NOX1: variants seen among roughly 807,000 people sequenced by gnomAD.
NOX1 encodes NADPH oxidase 1, also known as NADH/NADPH mitogenic oxidase subunit P65-MOX.
Under a neutral mutation model 42.5 loss-of-function variants are expected in NOX1, and 34 were observed. The observed-to-expected ratio is 0.80, with a 90% CI of 0.61 to 1.07. The LOEUF is 1.07. Among genes scored for constraint, NOX1 ranks in the 50% least tolerant of loss-of-function variants. The pLI is 0.00. For synonymous variants in NOX1, 143 were observed against 152.5 expected (o/e 0.94, Z 0.46); for missense variants, 408 against 427.0 (o/e 0.96, Z 0.39).
chrX:100,850,272 GC>G lies in NOX1; in HGVS notation c.1011del (p.Trp337CysfsTer6), dbSNP rs1358701999. Reference protein sequence around the residue: ...VNCPSISLLEWHPFTLTSAPE... With the variant: ...VNCPSISLLEXHPFTLTSAPE... The stretch of plus-strand genomic sequence containing the variant: ...GGAGCAGAGGTCAAAGTAAAAGGAT[GC>G]CATTCCAGGAGAGAGATTGAGGGGC... On this transcript the variant is annotated frameshift_variant, in exon 9 of 13. Transcript: ENST00000372966. LOFTEE classifies it high-confidence loss of function. The G allele has an allele frequency of 2.5e-6, 3 of 1,209,342 alleles. No individual in the cohort carries two copies. The highest frequency in any genetic ancestry group is 3.4e-6 in the Non-Finnish European group (3 of 893,289).
At chrX:100,873,158 G>A (rs1397098685) in intron 1 of NOX1, among the ~76,000 whole-genome samples, 1 of 110,653 alleles carries the variant, frequency 9.0e-6, no homozygotes, top group Non-Finnish European at 1.9e-5. Context: ...GAAGATCTAG[G>A]AAAGTGAGAA....
intron 12 of NOX1, among the ~76,000 whole-genome samples, chrX:100,845,118 G>C (rs778216816): frequency 9.0e-6 from 1 of 111,473 alleles, no homozygotes; most frequent in Non-Finnish European, 1.9e-5. Flanking sequence ...GTGCTTTTTA[G>C]CACAGCCACA....
chrX:100,861,635 C>T (rs2085203814), intron 7 of NOX1, among the ~76,000 whole-genome samples: 1 of 111,593 alleles, frequency 9.0e-6, no homozygotes, highest in African/African-American at 3.3e-5. Context: ...TGCTTTATTT[C>T]CCCCCAGAAT....
At chrX:100,859,083 CTT>C (rs1442695923) in intron 7 of NOX1, among the ~76,000 whole-genome samples, 2 of 111,431 alleles carry the variant, frequency 1.8e-5, no homozygotes, top group Non-Finnish European at 3.8e-5. Context: ...ATAGATGGCT[CTT>C]GTTATTTTGA....
intron 2 of NOX1, among the ~76,000 whole-genome samples, chrX:100,864,054 A>G (rs2085223571): frequency 8.9e-6 from 1 of 111,901 alleles, no homozygotes; most frequent in Non-Finnish European, 1.9e-5. Context: ...CAGTGGCGAG[A>G]TATCGGCTCA....
At chrX:100,872,548 A>G (rs2085281644) in intron 1 of NOX1, among the ~76,000 whole-genome samples, 1 of 111,503 alleles carries the variant, frequency 9.0e-6, no homozygotes, top group Non-Finnish European at 1.9e-5. Context: ...AGAGATAATG[A>G]GAAGTCTAAG....
At chrX:100,862,959 G>A (rs372633478) in intron 4 of NOX1, 139 bp from the exon 5 acceptor site, 10 of 632,427 alleles carry the variant, frequency 1.6e-5, no homozygotes, top group East Asian at 1.3e-4. Context: ...ATAAACCCTC[G>A]ATTGCGGAGA....
In NOX1 at chrX:100,857,944, A is replaced by G. The variant is rs1285053944; in HGVS notation, c.804+4227T>C. Among the ~76,000 whole-genome samples the G allele has an allele frequency of 2.7e-5, 3 of 110,476 alleles. No individual in the cohort carries two copies. The East Asian group carries it at 8.5e-4, about 31-fold the overall frequency. On this transcript the variant is annotated intron_variant, in intron 7 of 12. Transcript: ENST00000372966. ...AATTAGATCCCATTCATCAATTTTT[A>G]TTTTTGTTGCATTTGCTTTTGGTAT...
intron 7 of NOX1, among the ~76,000 whole-genome samples, chrX:100,856,792 C>T (rs757661521): frequency 6.4e-4 from 71 of 111,207 alleles, no homozygotes; most frequent in Non-Finnish European, 1.1e-3. Context: ...AGATTGGTCT[C>T]GAACTCTTGA....
Position 100,843,527 on chromosome X carries a change from A to G in NOX1, c.*425T>C. 9.9e-7 allele frequency: 1 copy of G among 1,005,948 alleles called. No homozygotes were observed. Among genetic ancestry groups the G allele is most frequent in the Non-Finnish European group, 1.3e-6 (1 of 773,928 alleles). The allele number at this position is 1,005,948 out of a possible 1,213,427, so 82.9% of individuals were successfully genotyped here. A position where few individuals can be genotyped will look rare whatever the true frequency, so the allele number is the denominator to read the frequency against. ...TAATTATTCAATAAATTTTTATTTA[A>G]AAAGTCACCCTACTTAGAAATCTTC... On this transcript the variant is annotated 3_prime_UTR_variant, in exon 13 of 13. Transcript: ENST00000372966.
At chrX:100,859,729 G>T (rs758679895) in intron 7 of NOX1, among the ~76,000 whole-genome samples, 20 of 104,963 alleles carry the variant, frequency 1.9e-4, no homozygotes, top group Non-Finnish European at 3.7e-4. Flanking sequence ...TAGTTTGTGT[G>T]CATAGAGATG....
intron 12 of NOX1, among the ~76,000 whole-genome samples, chrX:100,846,990 C>A (rs1248220509): frequency 1.8e-5 from 2 of 111,119 alleles, no homozygotes; most frequent in Non-Finnish European, 3.8e-5. Flanking sequence ...GAGTTCGAGA[C>A]CAGCCTGGCC....
chrX:100,853,238 TTTCTTTCCTTCC>T (rs1165827083), intron 7 of NOX1, among the ~76,000 whole-genome samples: 13 of 65,184 alleles, frequency 2.0e-4, no homozygotes, highest in Non-Finnish European at 2.7e-4. Context: ...TTTCTTTTTC[TTTCTTTCCTTCC>T]TTCCTTCCTT....
rs548048094 is a variant in NOX1, at chrX:100,853,972, G to A, written c.805-2647C>T. ...AGTCTGGTCAACGTGGCAAAACCCC[G>A]TCTCTACTAAATATACAAAAATTAG... On this transcript the variant is annotated intron_variant, in intron 7 of 12. Coordinates refer to ENST00000372966, the MANE Select transcript of NOX1 (RefSeq NM_007052.5). 8.1e-4 allele frequency among the ~76,000 whole-genome samples: 91 copies of A among 111,865 alleles called. 1 individual carries two copies. The South Asian group carries it at 0.032, about 39-fold the overall frequency.
chrX:100,848,801 G>A (rs1289587735), intron 11 of NOX1, 47 bp from the exon 12 acceptor site: 1 of 1,186,654 alleles, frequency 8.4e-7, no homozygotes, highest in Non-Finnish European at 1.1e-6. Context: ...CCTAGGCTGG[G>A]TGCGTGGCTC....
intron 12 of NOX1, 60 bp from the exon 13 acceptor site, chrX:100,844,138 CCT>C: frequency 3.0e-6 from 3 of 1,016,199 alleles, no homozygotes; most frequent in Non-Finnish European, 4.0e-6. Context: ...GGAGAAACTG[CCT>C]CTGTTAGGCC....
At chrX:100,854,745 T>A (rs1275298033) in intron 7 of NOX1, among the ~76,000 whole-genome samples, 3 of 111,711 alleles carry the variant, frequency 2.7e-5, no homozygotes, top group Non-Finnish European at 5.6e-5. Flanking sequence ...TTTGCTTGGG[T>A]AGTCCCTTTT....
chrX:100,848,766 G>A lies in NOX1; in HGVS notation c.1444-12C>T. On this transcript the variant is annotated splice_polypyrimidine_tract_variant and intron_variant, in intron 11 of 12. Transcript: ENST00000372966. ...GCTGCATGACCAACCTGGATTCAGA[G>A]GAATAAAAGTTAGAAAAACCAAGTC... The A allele has an allele frequency of 8.3e-7, 1 of 1,206,608 alleles. No homozygotes were observed. The highest frequency in any genetic ancestry group is 1.1e-6 in the Non-Finnish European group (1 of 892,117).
chrX:100,874,048 T>A (rs1347576155), intron 1 of NOX1, 47 bp downstream of exon 1: 2 of 936,743 alleles, frequency 2.1e-6, no homozygotes, highest in East Asian at 6.2e-5. Flanking sequence ...AAAAACATGA[T>A]TTCTCCTTAA....
Sources: allele counts gnomAD v4.1 joint callset (sites outside exome capture counted in the v4.1 genomes callset), GRCh38; gene constraint gnomAD v4.1.1; transcripts MANE v1.5; gene names NCBI Gene and HGNC (gene_info 2026-07-23, HGNC 2026-07-21).